Variants in FSTL5 observed in about 807,000 individuals in gnomAD.
The protein encoded by FSTL5 is follistatin like 5, also known as follistatin-related protein 5.
Under a neutral mutation model 89.1 loss-of-function variants are expected in FSTL5, and 62 were observed. The ratio of observed to expected loss-of-function variants is 0.70; its 90% CI spans 0.57 to 0.86. The LOEUF is 0.86. Ranked by LOEUF, FSTL5 falls within the 40% of genes least tolerant of loss-of-function variation. The pLI, the probability that FSTL5 is intolerant of heterozygous loss-of-function variation, is 0.00. For synonymous variants in FSTL5, 383 were observed against 346.2 expected, an observed-to-expected ratio of 1.11 and a Z score of -1.18; for missense variants, 1,057 against 1,001.6, an observed-to-expected ratio of 1.06 and a Z score of -0.75.
chr4:161,883,514 C>T (rs1224312125), intron 4 of FSTL5, among the ~76,000 whole-genome samples: 1 of 152,034 alleles, frequency 6.6e-6, no homozygotes, highest in Non-Finnish European at 1.5e-5. Context: ...ATGAAATCTC[C>T]CTTGATACGT....
chr4:161,759,588 ATAATT>A, intron 5 of FSTL5, 57 bp from the exon 6 acceptor site: 1 of 1,055,338 alleles, frequency 9.5e-7, no homozygotes, highest in Non-Finnish European at 1.3e-6. Flanking sequence ...TTTCTATAAT[ATAATT>A]TATTATATGT....
intron 15 of FSTL5, among the ~76,000 whole-genome samples, chr4:161,450,838 G>A (rs1733139326): frequency 6.7e-6 from 1 of 150,290 alleles, no homozygotes; most frequent in African/African-American, 2.5e-5. Context: ...CACCCTCCCA[G>A]GTTCATGGCA....
At chr4:161,834,886 T>G (rs111465550) in intron 4 of FSTL5, among the ~76,000 whole-genome samples, 19,194 of 151,538 alleles carry the variant, frequency 0.13, 1,350 homozygotes, top group Middle Eastern at 0.17. Flanking sequence ...CCCAAGGTAA[T>G]TTATAGATTC....
chr4:161,596,892 G>C (rs953530269), intron 7 of FSTL5, among the ~76,000 whole-genome samples: 1 of 152,072 alleles, frequency 6.6e-6, no homozygotes, highest in Admixed American at 6.6e-5. Context: ...TTTTTTTCTT[G>C]TAAATTTGTT....
chr4:161,605,584 A>C (rs1734410954), intron 7 of FSTL5, among the ~76,000 whole-genome samples: 1 of 152,178 alleles, frequency 6.6e-6, no homozygotes, highest in Admixed American at 6.5e-5. Flanking sequence ...CAAGATTATT[A>C]ATTATTTTAT....
chr4:161,560,824 C>T (rs1400668568), intron 8 of FSTL5, among the ~76,000 whole-genome samples: 3 of 151,928 alleles, frequency 2.0e-5, no homozygotes, highest in South Asian at 4.1e-4. Flanking sequence ...TACTGAACTA[C>T]CTGCCTAAGG....
At chr4:161,509,962 A>T (rs919449464) in intron 11 of FSTL5, among the ~76,000 whole-genome samples, 3 of 152,152 alleles carry the variant, frequency 2.0e-5, no homozygotes, top group African/African-American at 4.8e-5. Context: ...AACTTGCCCT[A>T]TTGTTTGTAA....
intron 4 of FSTL5, among the ~76,000 whole-genome samples, chr4:161,844,894 C>T (rs1160552017): frequency 6.6e-6 from 1 of 151,912 alleles, no homozygotes; most frequent in Non-Finnish European, 1.5e-5. Flanking sequence ...AACAAACCTG[C>T]AGGTTCTGCA....
intron 15 of FSTL5, among the ~76,000 whole-genome samples, chr4:161,449,366 T>C (rs998680796): frequency 6.6e-6 from 1 of 152,206 alleles, no homozygotes; most frequent in African/African-American, 2.4e-5. Flanking sequence ...AAGATTGATT[T>C]CTATAAAAAT....
intron 4 of FSTL5, among the ~76,000 whole-genome samples, chr4:161,798,179 G>A (rs958789742): frequency 2.0e-5 from 3 of 151,642 alleles, no homozygotes; most frequent in African/African-American, 7.2e-5. Flanking sequence ...TTAAGAAATG[G>A]TAGAGCTAGA....
chr4:161,628,550 C>T (rs1255092550), intron 7 of FSTL5, among the ~76,000 whole-genome samples: 1 of 151,822 alleles, frequency 6.6e-6, no homozygotes, highest in Non-Finnish European at 1.5e-5. Context: ...TCAGATTAAC[C>T]AAGGATGAAT....
At chr4:162,131,151 A>C (rs1242826449) in intron 1 of FSTL5, among the ~76,000 whole-genome samples, 1 of 152,144 alleles carries the variant, frequency 6.6e-6, no homozygotes, top group East Asian at 1.9e-4. Context: ...AGAAGACTTA[A>C]GAATATATTT....
chr4:161,656,310 C>A lies in FSTL5; in HGVS notation c.894+18G>T. ...ATGAAATATATATATTATAAAGCAA[C>A]TATATTTATGTACTCACATTGATGT... On this transcript the variant is annotated intron_variant, in intron 7 of 15. Coordinates refer to ENST00000306100, the MANE Select transcript of FSTL5 (RefSeq NM_020116.5). 1 of 1,353,552 alleles carries A rather than the reference C, an allele frequency of 7.4e-7. No homozygotes were observed. The highest frequency in any genetic ancestry group is 1.0e-6 in the Non-Finnish European group (1 of 973,398). 83.8% of individuals were successfully genotyped at this position (1,353,552 alleles called of 1,614,324 possible).
intron 12 of FSTL5, among the ~76,000 whole-genome samples, chr4:161,492,769 A>C (rs1480192284): frequency 1.3e-5 from 2 of 152,106 alleles, no homozygotes; most frequent in Non-Finnish European, 2.9e-5. Context: ...TTTGAAGTTT[A>C]AGCTATTTTC....
At chr4:161,780,246 C>G (rs12499112) in intron 4 of FSTL5, among the ~76,000 whole-genome samples, 88,717 of 150,316 alleles carry the variant, frequency 0.59, 28,510 homozygotes, top group Non-Finnish European at 0.72. Context: ...AGAAAAACAT[C>G]TAGCACGGTT....
At chr4:161,893,443 G>A (rs745801573) in intron 4 of FSTL5, among the ~76,000 whole-genome samples, 2 of 151,882 alleles carry the variant, frequency 1.3e-5, no homozygotes, top group Non-Finnish European at 2.9e-5. Flanking sequence ...TTTGATTGTG[G>A]TTTTGCTTCA....
chr4:162,074,376 AT>A (rs1416167733), intron 2 of FSTL5, among the ~76,000 whole-genome samples: 1 of 151,200 alleles, frequency 6.6e-6, no homozygotes, highest in Non-Finnish European at 1.5e-5. Context: ...TTCTTCCTAA[AT>A]TTTTTGGTTT....
intron 2 of FSTL5, among the ~76,000 whole-genome samples, chr4:162,093,166 C>A (rs992497977): frequency 6.6e-6 from 1 of 151,886 alleles, no homozygotes; most frequent in African/African-American, 2.4e-5. Context: ...AAATGAGAAG[C>A]GTAGTGATAG....
At chr4:161,850,035 T>C (rs988684781) in intron 4 of FSTL5, among the ~76,000 whole-genome samples, 2 of 152,182 alleles carry the variant, frequency 1.3e-5, no homozygotes, top group African/African-American at 4.8e-5. Flanking sequence ...TCAAAGGAAA[T>C]GTTAATTTTG....
Sources: allele counts gnomAD v4.1 joint callset (sites outside exome capture counted in the v4.1 genomes callset), GRCh38; gene constraint gnomAD v4.1.1; transcripts MANE v1.5; gene names NCBI Gene and HGNC (gene_info 2026-07-23, HGNC 2026-07-21).